Variants in C1GALT1 observed in about 807,000 individuals in gnomAD.
The protein encoded by C1GALT1 is core 1 synthase, glycoprotein-N-acetylgalactosamine 3-beta-galactosyltransferase 1, also known as glycoprotein-N-acetylgalactosamine 3-beta-galactosyltransferase 1.
C1GALT1 carries 11 observed loss-of-function variants against 31.0 expected under a neutral mutation model. The observed-to-expected ratio is 0.36, with a 90% CI of 0.22 to 0.59. C1GALT1 has a LOEUF of 0.59. C1GALT1 is among the 20% of genes least tolerant of loss of function. The pLI, the probability that C1GALT1 is intolerant of heterozygous loss-of-function variation, is 0.79. For missense variants in C1GALT1, 424 were observed against 425.2 expected (o/e 1.00, Z 0.03); for synonymous variants, 175 against 143.6 (o/e 1.22, Z -1.56).
chr7:7,198,683 A>G (rs1019238778), intron 1 of C1GALT1, among the ~76,000 whole-genome samples: 1 of 152,110 alleles, frequency 6.6e-6, no homozygotes, highest in Admixed American at 6.5e-5. Flanking sequence ...TTTGGTTCAT[A>G]GGCTATTAAT....
intron 1 of C1GALT1, among the ~76,000 whole-genome samples, chr7:7,211,496 T>C (rs908890871): frequency 3.3e-5 from 5 of 152,214 alleles, no homozygotes; most frequent in African/African-American, 9.6e-5. Flanking sequence ...AGGATAATAA[T>C]TAAGCAAAAT....
At chr7:7,190,690 G>A (rs1280547763) in intron 1 of C1GALT1, among the ~76,000 whole-genome samples, 3 of 151,716 alleles carry the variant, frequency 2.0e-5, no homozygotes, top group African/African-American at 7.3e-5. Context: ...TATTTTTCCA[G>A]ATAACATTTA....
intron 1 of C1GALT1, among the ~76,000 whole-genome samples, chr7:7,214,289 G>A: frequency 6.6e-6 from 1 of 152,124 alleles, no homozygotes; most frequent in Non-Finnish European, 1.5e-5. Context: ...GGCATCTCCT[G>A]TTTTTCCCAA....
At position 7,232,484 on chromosome 7, in the gene C1GALT1, GTTTTTTTTTTTTGT is replaced by G. The variant is rs1286856515; in HGVS notation, c.-17-1805_-17-1792del. ...GAGAAATGTAATGGAAAGGGCGTGG[GTTTTTTTTTTTTGT>G]TTTTTTTTTTTTGAGACAGAGTCTT... On this transcript the variant is annotated intron_variant, in intron 1 of 3. Coordinates refer to ENST00000436587, the MANE Select transcript of C1GALT1 (RefSeq NM_020156.5). Among the ~76,000 whole-genome samples, 135 of 132,938 alleles carry G rather than the reference GTTTTTTTTTTTTGT, an allele frequency of 1.0e-3. 1 individual carries two copies. The highest frequency in any genetic ancestry group is 3.3e-3 in the African/African-American group (124 of 37,566). 87.2% of individuals were successfully genotyped at this position (132,938 alleles called of 152,430 possible).
intron 1 of C1GALT1, among the ~76,000 whole-genome samples, chr7:7,232,496 T>G (rs58474097): frequency 0.013 from 902 of 68,890 alleles, 8 homozygotes; most frequent in African/African-American, 0.084. Flanking sequence ...TTTTTTTTTT[T>G]GTTTTTTTTT....
chr7:7,179,509 A>G (rs1400345786), upstream of C1GALT1, among the ~76,000 whole-genome samples: 2 of 152,224 alleles, frequency 1.3e-5, no homozygotes, highest in African/African-American at 4.8e-5. Context: ...TGTTGTTGCT[A>G]GCTTGTTTGC....
chr7:7,246,647 A>C lies in C1GALT1; in HGVS notation c.*2920A>C, dbSNP rs1178542762. 6.6e-6 allele frequency: 1 copy of C among 152,494 alleles called. No homozygotes were observed. Among genetic ancestry groups the C allele is most frequent in the Non-Finnish European group, 1.5e-5 (1 of 68,228 alleles). The allele number at this position is 152,494 out of a possible 1,614,324, so 9.4% of individuals were successfully genotyped here. A position where few individuals can be genotyped will look rare whatever the true frequency, so the allele number is the denominator to read the frequency against. On this transcript the variant is annotated 3_prime_UTR_variant, in exon 4 of 4. Transcript: ENST00000436587. ...CTCTCGGGGCCTCATCTCAGATCAG[A>C]TCTACTAAATCAGATACTCTAGGGG...
At chr7:7,232,484 G>GTTTTTTTTTTTTTTTTT (rs67013405) in intron 1 of C1GALT1, among the ~76,000 whole-genome samples, 1 of 132,886 alleles carries the variant, frequency 7.5e-6, no homozygotes, top group Non-Finnish European at 1.6e-5. Context: ...AAGGGCGTGG[G>GTTTTTTTTTTTTTTTTT]TTTTTTTTTT....
intron 1 of C1GALT1, among the ~76,000 whole-genome samples, chr7:7,188,921 A>C (rs531663839): frequency 6.6e-6 from 1 of 152,324 alleles, no homozygotes; most frequent in South Asian, 2.1e-4. Flanking sequence ...GGCATTACCC[A>C]ACGATACGAA....
chr7:7,182,360 C>G (rs570924031), upstream of C1GALT1, among the ~76,000 whole-genome samples: 2 of 152,192 alleles, frequency 1.3e-5, no homozygotes, highest in African/African-American at 4.8e-5. Flanking sequence ...AGACACAAGC[C>G]GCAAGGGGGA....
At chr7:7,183,245 C>G (rs1395752606) in intron 1 of C1GALT1, among the ~76,000 whole-genome samples, 1 of 152,102 alleles carries the variant, frequency 6.6e-6, no homozygotes, top group Non-Finnish European at 1.5e-5. Context: ...CCCCGCCCCG[C>G]CGCAGACCTG....
At chr7:7,177,304 T>A (rs1489143064) in intron 2 of C1GALT1, among the ~76,000 whole-genome samples, 2 of 152,210 alleles carry the variant, frequency 1.3e-5, no homozygotes, top group Non-Finnish European at 2.9e-5. Context: ...CTACCTTTGA[T>A]GTTCCAGTAT....
rs1392375611 is a variant in C1GALT1 at position 7,238,383 on chromosome 7, A to G, written c.349A>G (p.Lys117Glu). The change falls in exon 3 of 4, where the codon AAA (lysine) becomes GAA (glutamate). Residue 117 changes from lysine (K) to glutamate (E), a missense_variant. By Grantham distance (56) the Lys-to-Glu change is moderately conservative. This residue lies in a region of C1GALT1 where 189 missense variants were observed against 158.2 expected (regional missense o/e 1.19). Coordinates refer to ENST00000436587, the MANE Select transcript of C1GALT1 (RefSeq NM_020156.5). This position sits in a 1 kb window ranked among gnomAD's most constrained non-coding sequence, Gnocchi z 5.2. ...VKATWAQRCNKVLFMSSEENK... is the reference protein window; with the variant it reads ...VKATWAQRCNEVLFMSSEENK... ...AGCTACTTGGGCCCAGCGTTGTAAC[A>G]AAGTGTTGTTTATGAGTTCAGAAGA... 2.5e-6 allele frequency: 4 copies of G among 1,614,022 alleles called. No homozygotes were observed. In the African/African-American group the frequency reaches 4.0e-5, roughly 16 times the overall value.
chr7:7,240,230 C>T (rs1356697557), intron 3 of C1GALT1, among the ~76,000 whole-genome samples: 1 of 152,136 alleles, frequency 6.6e-6, no homozygotes, highest in Non-Finnish European at 1.5e-5. Flanking sequence ...TGGGTAGAAA[C>T]CCACTACATT....
At chr7:7,201,738 G>A (rs1228137352) in intron 1 of C1GALT1, among the ~76,000 whole-genome samples, 2 of 152,182 alleles carry the variant, frequency 1.3e-5, no homozygotes, top group African/African-American at 4.8e-5. Flanking sequence ...AGCTGCCCCA[G>A]GCTATATGCC....
At chr7:7,193,602 T>C (rs970787471) in intron 1 of C1GALT1, among the ~76,000 whole-genome samples, 4 of 152,056 alleles carry the variant, frequency 2.6e-5, no homozygotes, top group Non-Finnish European at 5.9e-5. Context: ...TACATCCAGA[T>C]TTGTGGGTTT....
At chr7:7,243,432 T>A in intron 3 of C1GALT1, 92 bp from the exon 4 acceptor site, 1 of 1,071,198 alleles carries the variant, frequency 9.3e-7, no homozygotes, top group Non-Finnish European at 1.3e-6. Flanking sequence ...GTTTGTATTC[T>A]TTTAAAATTA....
intron 1 of C1GALT1, among the ~76,000 whole-genome samples, chr7:7,201,020 C>T (rs533130525): frequency 1.2e-4 from 18 of 152,342 alleles, no homozygotes; most frequent in Admixed American, 3.3e-4. Flanking sequence ...AGTCATTCTC[C>T]GTCCAGCTTT....
At chr7:7,192,478 T>G (rs1781116789) in intron 1 of C1GALT1, among the ~76,000 whole-genome samples, 1 of 152,160 alleles carries the variant, frequency 6.6e-6, no homozygotes, top group East Asian at 1.9e-4. Flanking sequence ...ATTTCATTAT[T>G]TTTTATGGCT....
Sources: allele counts gnomAD v4.1 joint callset (sites outside exome capture counted in the v4.1 genomes callset), GRCh38; gene constraint gnomAD v4.1.1; regional missense constraint gnomAD v4.1.1; non-coding constraint Gnocchi (gnomAD v3.1); transcripts MANE v1.5; gene names NCBI Gene and HGNC (gene_info 2026-07-23, HGNC 2026-07-21).